The following NPSR1 variants were observed in gnomAD, a reference collection of about 807,000 sequenced individuals.
NPSR1 encodes the protein neuropeptide S receptor 1.
Under a neutral mutation model 46.9 loss-of-function variants are expected in NPSR1, and 48 were observed. The observed-to-expected ratio is 1.02, with a 90% confidence interval of 0.81 to 1.30. The LOEUF is 1.30. NPSR1 is among the 50% of genes most tolerant of loss of function. NPSR1 has a pLI of 0.00. For synonymous variants in NPSR1, 176 were observed against 168.1 expected, an observed-to-expected ratio of 1.05 and a Z score of -0.36; for missense variants, 450 against 449.5, an observed-to-expected ratio of 1.00 and a Z score of -0.01.
At chr7:34,769,803 C>T (rs1165482653) in intron 2 of NPSR1, among the ~76,000 whole-genome samples, 1 of 152,150 alleles carries the variant, frequency 6.6e-6, no homozygotes. Context: ...TCTACTTCGG[C>T]TTTTCTGAGT....
At chr7:34,703,643 T>G (rs993820941) in intron 2 of NPSR1, among the ~76,000 whole-genome samples, 4 of 152,208 alleles carry the variant, frequency 2.6e-5, no homozygotes, top group Non-Finnish European at 5.9e-5. Context: ...CTATATATTC[T>G]ATTAGGAATC....
intron 8 of NPSR1, among the ~76,000 whole-genome samples, chr7:34,855,549 C>T (rs78989799): frequency 0.022 from 3,332 of 152,024 alleles, 50 homozygotes; most frequent in Non-Finnish European, 0.034. Context: ...AGAATAGTAG[C>T]ATAACTGCTA....
At chr7:34,856,850 A>G (rs1791061285) in intron 8 of NPSR1, among the ~76,000 whole-genome samples, 2 of 151,492 alleles carry the variant, frequency 1.3e-5, no homozygotes, top group Admixed American at 1.3e-4. Flanking sequence ...GAGGAGGGAG[A>G]GGAGAAACAA....
At chr7:34,841,529 T>G (rs1205433166) in intron 6 of NPSR1, among the ~76,000 whole-genome samples, 1 of 152,254 alleles carries the variant, frequency 6.6e-6, no homozygotes, top group Non-Finnish European at 1.5e-5. Context: ...TGAATTTAAC[T>G]GCTTTTCACT....
chr7:34,670,270 A>C (rs1472627423), intron 1 of NPSR1, among the ~76,000 whole-genome samples: 1 of 152,188 alleles, frequency 6.6e-6, no homozygotes, highest in Non-Finnish European at 1.5e-5. Context: ...TAATTGACAG[A>C]TGGATCAATA....
At chr7:34,771,858 C>T (rs1034445567) in intron 2 of NPSR1, among the ~76,000 whole-genome samples, 3 of 152,128 alleles carry the variant, frequency 2.0e-5, no homozygotes, top group Admixed American at 1.3e-4. Flanking sequence ...ATTCTAACTA[C>T]TTAGAACCTT....
chr7:34,736,340 A>G (rs1169176322), intron 2 of NPSR1, among the ~76,000 whole-genome samples: 1 of 152,168 alleles, frequency 6.6e-6, no homozygotes, highest in African/African-American at 2.4e-5. Context: ...AGCAGGTACT[A>G]TGCTATACTC....
At chr7:34,727,816 C>T (rs1398366017) in intron 2 of NPSR1, among the ~76,000 whole-genome samples, 1 of 152,142 alleles carries the variant, frequency 6.6e-6, no homozygotes, top group Non-Finnish European at 1.5e-5. Flanking sequence ...TTAAAGTGCC[C>T]TTTCTTCCAC....
chr7:34,799,532 C>A (rs914881256), intron 3 of NPSR1, among the ~76,000 whole-genome samples: 1 of 147,358 alleles, frequency 6.8e-6, no homozygotes, highest in Non-Finnish European at 1.5e-5. Context: ...CTTTTGTCAC[C>A]ACCAGGCCTG....
At chr7:34,805,479 CAA>C (rs57776086) in intron 3 of NPSR1, among the ~76,000 whole-genome samples, 19 of 71,936 alleles carry the variant, frequency 2.6e-4, no homozygotes, top group African/African-American at 7.5e-4. Flanking sequence ...TATCCACATG[CAA>C]AAAAAAAAAA....
chr7:34,737,365 A>T (rs1784726441), intron 2 of NPSR1, among the ~76,000 whole-genome samples: 1 of 151,472 alleles, frequency 6.6e-6, no homozygotes, highest in Admixed American at 6.6e-5. Flanking sequence ...ACAAACGAAA[A>T]AGAAGAAGCT....
At chr7:34,751,612 T>G in intron 2 of NPSR1, 2 of 1,602,318 alleles carry the variant, frequency 1.2e-6, no homozygotes, top group Admixed American at 3.3e-5. Flanking sequence ...CTGACAGAGC[T>G]CTCCACTCAC....
chr7:34,849,452 A>T, intron 8 of NPSR1, 113 bp from the exon 9 acceptor site: 1 of 1,600,920 alleles, frequency 6.2e-7, no homozygotes, highest in South Asian at 1.1e-5. Flanking sequence ...AGTGCCTGGC[A>T]CAGTTGTCTG....
chr7:34,750,359 G>GAGA, intron 2 of NPSR1: 1 of 732,592 alleles, frequency 1.4e-6, no homozygotes, highest in Non-Finnish European at 2.6e-6. Context: ...CTCATCACTT[G>GAGA]AGAAGACAAC....
chr7:34,810,764 G>C (rs1340231254), intron 3 of NPSR1, among the ~76,000 whole-genome samples: 2 of 152,236 alleles, frequency 1.3e-5, no homozygotes, highest in Non-Finnish European at 2.9e-5. Context: ...GAAATATGGA[G>C]TTTCCAAGAG....
chr7:34,672,197 A>C (rs1194707426), intron 1 of NPSR1, among the ~76,000 whole-genome samples: 1 of 152,230 alleles, frequency 6.6e-6, no homozygotes, highest in Non-Finnish European at 1.5e-5. Flanking sequence ...AATATTAATT[A>C]CTACATAGAC....
chr7:34,723,495 G>T (rs1783971563), intron 2 of NPSR1: 1 of 150,100 alleles, frequency 6.7e-6, no homozygotes, highest in Admixed American at 6.7e-5. Flanking sequence ...AGGAGGAAGG[G>T]GGCACAAGAT....
intron 2 of NPSR1, among the ~76,000 whole-genome samples, chr7:34,705,720 C>T (rs1366635024): frequency 6.6e-6 from 1 of 151,992 alleles, no homozygotes; most frequent in African/African-American, 2.4e-5. Flanking sequence ...TTTTATTGCA[C>T]TTGTTTGCCA....
At chr7:34,782,814 T>A (rs914657409) in intron 3 of NPSR1, among the ~76,000 whole-genome samples, 7 of 152,154 alleles carry the variant, frequency 4.6e-5, no homozygotes, top group Non-Finnish European at 1.0e-4. Flanking sequence ...ATGCAATGCT[T>A]GACCAAAAAA....
Sources: allele counts gnomAD v4.1 joint callset (sites outside exome capture counted in the v4.1 genomes callset), GRCh38; gene constraint gnomAD v4.1.1; transcripts MANE v1.5; gene names NCBI Gene and HGNC (gene_info 2026-07-23, HGNC 2026-07-21).